The following SHANK2 variants were observed in gnomAD, a reference collection of about 807,000 sequenced individuals.
The protein encoded by SHANK2 is SH3 and multiple ankyrin repeat domains protein 2.
SHANK2 carries 43 observed loss-of-function variants against 133.7 expected under a neutral mutation model. That is an observed-to-expected ratio of 0.32 (90% CI 0.25 to 0.41). The LOEUF (loss-of-function observed/expected upper bound fraction) is 0.41. SHANK2 is among the 10% of genes least tolerant of loss of function. SHANK2 has a pLI of 1.00. For synonymous variants in SHANK2, 1,017 were observed against 952.8 expected, an observed-to-expected ratio of 1.07 and a Z score of -1.24; for missense variants, 1,994 against 2,235.8, an observed-to-expected ratio of 0.89 and a Z score of 2.18.
intron 1 of SHANK2, among the ~76,000 whole-genome samples, chr11:71,250,260 A>T (rs887757224): frequency 1.3e-5 from 2 of 152,174 alleles, no homozygotes; most frequent in Non-Finnish European, 2.9e-5. Flanking sequence ...TTCCAAAGGG[A>T]CCCAAAGAAG....
chr11:70,948,411 T>C (rs1555085877), intron 10 of SHANK2: 4 of 456,536 alleles, frequency 8.8e-6, no homozygotes. Context: ...GTGGAAATAA[T>C]GAATTCGATC....
intron 21 of SHANK2, among the ~76,000 whole-genome samples, chr11:70,495,215 C>T (rs1463040738): frequency 6.6e-6 from 1 of 152,202 alleles, no homozygotes; most frequent in African/African-American, 2.4e-5. Flanking sequence ...CCCTGTCAAC[C>T]TCCCTGGGCT....
intron 14 of SHANK2, among the ~76,000 whole-genome samples, chr11:70,758,238 C>T (rs1476812831): frequency 6.6e-6 from 1 of 152,180 alleles, no homozygotes; most frequent in Non-Finnish European, 1.5e-5. Flanking sequence ...GCTTTGGGTC[C>T]CCTCCCGTTG....
intron 25 of SHANK2, among the ~76,000 whole-genome samples, chr11:70,481,196 A>G (rs1482558411): frequency 6.6e-6 from 1 of 152,220 alleles, no homozygotes; most frequent in African/African-American, 2.4e-5. Flanking sequence ...TGCCTCTAAT[A>G]TGATGTACTT....
rs1052928236 is a variant in SHANK2 at position 71,175,936 on chromosome 11, A to G, written c.-12-28598T>C. Reference sequence around the variant, plus strand: ...TGGGACAAAACCAGGAGGAGAGAGAATGGAACGGAGCCTAGTAGAGATGTG... The same window carrying G: ...TGGGACAAAACCAGGAGGAGAGAGAGTGGAACGGAGCCTAGTAGAGATGTG... On this transcript the variant is annotated intron_variant, in intron 2 of 25. Transcript: ENST00000601538. The surrounding 1 kb of genome is among the most constrained non-coding windows in gnomAD (Gnocchi z 4.2). 4.6e-5 allele frequency among the ~76,000 whole-genome samples: 7 copies of G among 152,190 alleles called. No individual in the cohort carries two copies. Among genetic ancestry groups the G allele is most frequent in the Non-Finnish European group, 1.0e-4 (7 of 68,028 alleles).
In SHANK2 at chr11:71,118,843, C is replaced by A. The variant is rs1463147374; in HGVS notation, c.397G>T (p.Val133Phe). Residue 133 changes from valine to phenylalanine, a missense_variant, in exon 4 of 26, where the codon GTT becomes TTT. Transcript: ENST00000601538. The stretch of plus-strand genomic sequence containing the variant: ...CTGAAATATACCTCCAGGGAAGGAA[C>A]GCCCTCACCCACGGGCTGTGGGTAC... ...REYPQPVGEGVPSLEFRYKKR... is the reference protein window; with the variant it reads ...REYPQPVGEGFPSLEFRYKKR... 1.3e-6 allele frequency: 2 copies of A among 1,549,104 alleles called. No individual in the cohort carries two copies. Among genetic ancestry groups the A allele is most frequent in the South Asian group, 1.2e-5 (1 of 83,628 alleles).
At chr11:70,576,797 G>A (rs181529583) in intron 17 of SHANK2, among the ~76,000 whole-genome samples, 1 of 152,314 alleles carries the variant, frequency 6.6e-6, no homozygotes, top group African/African-American at 2.4e-5. Context: ...CTGCAAACAG[G>A]TTTCATCATA....
intron 10 of SHANK2, among the ~76,000 whole-genome samples, chr11:70,938,152 C>A (rs918544505): frequency 1.1e-4 from 17 of 152,138 alleles, no homozygotes; most frequent in Non-Finnish European, 2.2e-4. Flanking sequence ...TCAAAATTAG[C>A]CAATTGGCTA....
chr11:70,884,781 C>T (rs1049691386), intron 11 of SHANK2, among the ~76,000 whole-genome samples: 7 of 152,174 alleles, frequency 4.6e-5, no homozygotes, highest in South Asian at 2.1e-4. Flanking sequence ...AGTGCAATGG[C>T]GCGATTTCGG....
Position 70,487,046 on chromosome 11 carries a change from C to T in SHANK2, c.3247G>A (p.Ala1083Thr), listed in dbSNP as rs1442163231. 36 of 1,608,694 alleles carry T rather than the reference C, an allele frequency of 2.2e-5. No individual in the cohort carries two copies. The highest frequency in any genetic ancestry group is 2.9e-5 in the Non-Finnish European group (34 of 1,179,630). The change falls in exon 25 of 26, where the codon GCC becomes ACC. Residue 1083 changes from alanine to threonine, a missense_variant. By Grantham distance (58) the Ala-to-Thr change is moderately conservative. Around this residue, in one of 5 missense-constraint regions of SHANK2, gnomAD observed 488 missense variants for 642.6 expected, o/e 0.76. Transcript: ENST00000601538. The surrounding 1 kb of genome is among the most constrained non-coding windows in gnomAD (Gnocchi z 5.8). ...TTCTCACGGTCGCGGACGGCTCCGG[C>T]GATGGCGGCGGCAAAGGGGCTGCTG... ...TVSSPFAAAI[A>T]GAVRDREKRL...
intron 3 of SHANK2, among the ~76,000 whole-genome samples, chr11:71,134,995 C>T (rs1288026502): frequency 1.3e-5 from 2 of 152,156 alleles, no homozygotes; most frequent in Non-Finnish European, 2.9e-5. Flanking sequence ...GCCTCCTTGT[C>T]ATGACCCTAT....
At position 71,104,361 on chromosome 11, in the gene SHANK2, G is replaced by GC. The variant is rs200786755; in HGVS notation, c.592+5579dup. Among the ~76,000 whole-genome samples, 1,363 of 151,680 alleles carry GC rather than the reference G, an allele frequency of 9.0e-3. 29 individuals carry two copies. Among genetic ancestry groups the GC allele is most frequent in the African/African-American group, 0.031 (1,271 of 41,362 alleles). On this transcript the variant is annotated intron_variant, in intron 6 of 25. Transcript: ENST00000601538. ...GTCGCCTCTGCAGTCCCAACACAGG[G>GC]CCCCCCCCATCCTGCATCTCTGAAG...
intron 14 of SHANK2, among the ~76,000 whole-genome samples, chr11:70,748,223 C>A (rs2134871583): frequency 6.6e-6 from 1 of 152,294 alleles, no homozygotes; most frequent in South Asian, 2.1e-4. Context: ...GGATACCCAC[C>A]ACAGACAAAC....
rs143936797 is a variant in SHANK2, at chr11:71,147,564, C to T, written c.-12-226G>A. Among the ~76,000 whole-genome samples, 401 of 152,268 alleles carry T rather than the reference C, an allele frequency of 2.6e-3. 1 individual carries two copies. The highest frequency in any genetic ancestry group is 8.5e-3 in the African/African-American group (354 of 41,564). On this transcript the variant is annotated intron_variant, in intron 2 of 25. Coordinates refer to ENST00000601538, the MANE Select transcript of SHANK2 (RefSeq NM_012309.5). ...TCCTCCCTGGAGCTTGAGCCAGAGGCGGCAGCCAGGACCCAGGAAAACCCT... is the reference window on the plus strand; with the variant it reads ...TCCTCCCTGGAGCTTGAGCCAGAGGTGGCAGCCAGGACCCAGGAAAACCCT...
intron 15 of SHANK2, among the ~76,000 whole-genome samples, chr11:70,693,344 C>A (rs115917305): frequency 1.6e-3 from 243 of 152,354 alleles, no homozygotes; most frequent in African/African-American, 5.5e-3. Context: ...TGCCTCTAAT[C>A]TCTTCTAGGC....
At chr11:70,573,550 G>A (rs2060076047) in intron 17 of SHANK2, among the ~76,000 whole-genome samples, 1 of 65,470 alleles carries the variant, frequency 1.5e-5, no homozygotes, top group African/African-American at 7.5e-5. Flanking sequence ...GTGTGGGGGC[G>A]GGGGGGGGGT....
At chr11:70,626,095 C>T (rs959553754) in intron 17 of SHANK2, among the ~76,000 whole-genome samples, 4 of 152,140 alleles carry the variant, frequency 2.6e-5, no homozygotes, top group African/African-American at 7.2e-5. Flanking sequence ...CATGGTACCC[C>T]GCACACACGG....
chr11:70,632,646 G>A (rs1219207498), intron 17 of SHANK2, among the ~76,000 whole-genome samples: 1 of 152,096 alleles, frequency 6.6e-6, no homozygotes. Context: ...TCCCAGGGAT[G>A]TGGGCACACA....
intron 11 of SHANK2, among the ~76,000 whole-genome samples, chr11:70,880,849 T>A (rs940489882): frequency 3.3e-5 from 5 of 152,198 alleles, no homozygotes. Context: ...CCCAGGGCCA[T>A]CAGCCACATT....
Sources: allele counts gnomAD v4.1 joint callset (sites outside exome capture counted in the v4.1 genomes callset), GRCh38; gene constraint gnomAD v4.1.1; regional missense constraint gnomAD v4.1.1; non-coding constraint Gnocchi (gnomAD v3.1); transcripts MANE v1.5; gene names NCBI Gene and HGNC (gene_info 2026-07-23, HGNC 2026-07-21).